The following KCNK9 variants were observed in gnomAD, a reference collection of about 807,000 sequenced individuals.
KCNK9 encodes potassium two pore domain channel subfamily K member 9, also known as potassium channel subfamily K member 9.
Under a neutral mutation model 10.8 loss-of-function variants are expected in KCNK9, and 1 was observed. That is an observed-to-expected ratio of 0.09 (90% CI 0.03 to 0.44). The LOEUF is 0.44. KCNK9 is among the 20% of genes least tolerant of loss of function. KCNK9 has a pLI of 0.97. For missense variants in KCNK9, 303 were observed against 515.0 expected (o/e 0.59, Z 3.98); for synonymous variants, 231 against 222.7 (o/e 1.04, Z -0.33).
At chr8:139,687,499 TA>T (rs1816829375) in intron 1 of KCNK9, among the ~76,000 whole-genome samples, 1 of 41,316 alleles carries the variant, frequency 2.4e-5, no homozygotes, top group South Asian at 8.8e-4. Flanking sequence ...TACACATATA[TA>T]CATATATATG....
chr8:139,612,999 GACTCAATAA>G (rs1814477750), downstream of KCNK9, among the ~76,000 whole-genome samples: 1 of 152,222 alleles, frequency 6.6e-6, no homozygotes. Context: ...TTGTATTTTA[GACTCAATAA>G]GCTCTTGGAC....
Position 139,693,495 on chromosome 8 carries a change from G to A in KCNK9, c.283+9215C>T, listed in dbSNP as rs1482844804. Among the ~76,000 whole-genome samples the A allele has an allele frequency of 6.6e-6, 1 of 152,072 alleles. No homozygotes were observed. Among genetic ancestry groups the A allele is most frequent in the East Asian group, 1.9e-4 (1 of 5,174 alleles). On this transcript the variant is annotated intron_variant, in intron 1 of 1. Transcript: ENST00000520439. The surrounding 1 kb of genome is among the most constrained non-coding windows in gnomAD (Gnocchi z 4.1). ...TCTCAGCTGCTCCTGCTCTCGGGGA[G>A]CCAGGAGTACCAGCCAGTGTCCAGC...
chr8:139,643,629 C>CT (rs1815578616), intron 1 of KCNK9, among the ~76,000 whole-genome samples: 1 of 152,208 alleles, frequency 6.6e-6, no homozygotes, highest in Non-Finnish European at 1.5e-5. Flanking sequence ...CCCCTGGCGG[C>CT]TGTCACCTGG....
chr8:139,634,094 C>T (rs753060254), intron 1 of KCNK9, among the ~76,000 whole-genome samples: 4 of 152,274 alleles, frequency 2.6e-5, no homozygotes, highest in African/African-American at 4.8e-5. Context: ...TGTCCCTCAA[C>T]CCAGGGCTGG....
chr8:139,610,301 A>G (rs1814381104), downstream of KCNK9, among the ~76,000 whole-genome samples: 1 of 152,176 alleles, frequency 6.6e-6, no homozygotes, highest in Admixed American at 6.5e-5. Context: ...GAGGGGAACA[A>G]GTGCCCACAA....
At chr8:139,670,970 C>T (rs1195899477) in intron 1 of KCNK9, among the ~76,000 whole-genome samples, 1 of 152,184 alleles carries the variant, frequency 6.6e-6, no homozygotes, top group East Asian at 1.9e-4. Flanking sequence ...CCTGCAGTGG[C>T]ATCCCCTCCA....
intron 1 of KCNK9, among the ~76,000 whole-genome samples, chr8:139,671,072 C>T (rs1424969585): frequency 6.6e-6 from 1 of 152,234 alleles, no homozygotes; most frequent in African/African-American, 2.4e-5. Context: ...TTCCTGGGAC[C>T]ACCTCTATTC....
chr8:139,688,653 G>C (rs1044637510), intron 1 of KCNK9, among the ~76,000 whole-genome samples: 14 of 152,210 alleles, frequency 9.2e-5, no homozygotes, highest in Non-Finnish European at 2.1e-4. Context: ...ATCCTGGGTT[G>C]GGTCCACTTG....
intron 1 of KCNK9, among the ~76,000 whole-genome samples, chr8:139,698,590 G>T (rs1399220963): frequency 2.0e-5 from 3 of 152,200 alleles, no homozygotes; most frequent in Non-Finnish European, 4.4e-5. Context: ...CCCCTAGACT[G>T]CACCCTGGAC....
At chr8:139,649,283 G>A (rs566121750) in intron 1 of KCNK9, among the ~76,000 whole-genome samples, 39 of 152,304 alleles carry the variant, frequency 2.6e-4, no homozygotes, top group African/African-American at 7.2e-4. Flanking sequence ...TGAGTGGCGC[G>A]TCAGAAGCGT....
At position 139,618,275 on chromosome 8, in the gene KCNK9, G is replaced by C; in HGVS notation, c.1108C>G (p.Arg370Gly). 6.2e-7 allele frequency: 1 copy of C among 1,614,200 alleles called. No individual in the cohort carries two copies. Among genetic ancestry groups the C allele is most frequent in the Non-Finnish European group, 8.5e-7 (1 of 1,180,040 alleles). ...SFTDHQRLMKRRKSV is the reference protein window; with the variant it reads ...SFTDHQRLMKGRKSV ...CCCCACACCTAAACGGACTTCCGGC[G>C]TTTCATCAGCCTCTGGTGGTCGGTA... The change falls in exon 2 of 2, where the codon CGC (arginine) becomes GGC (glycine). Residue 370 changes from arginine (R) to glycine (G), a missense_variant. Physicochemically the swap from Arg to Gly is moderately radical, Grantham distance 125. This residue lies in a region of KCNK9 where 138 missense variants were observed against 161.1 expected (regional missense o/e 0.86). Transcript: ENST00000520439. The surrounding 1 kb of genome is among the most constrained non-coding windows in gnomAD (Gnocchi z 7.9).
chr8:139,689,703 C>T (rs148503328), intron 1 of KCNK9, among the ~76,000 whole-genome samples: 2,230 of 147,236 alleles, frequency 0.015, 59 homozygotes, highest in African/African-American at 0.051. Flanking sequence ...AGCGCAGTGG[C>T]GTGATCTCGA....
intron 1 of KCNK9, among the ~76,000 whole-genome samples, chr8:139,665,590 C>G (rs989130196): frequency 4.6e-5 from 7 of 152,204 alleles, no homozygotes; most frequent in African/African-American, 1.7e-4. Flanking sequence ...AGGTGCCTAC[C>G]TTGCCCTGGC....
downstream of KCNK9, chr8:139,616,445 G>A (rs1042926234): frequency 3.3e-5 from 5 of 152,190 alleles, no homozygotes; most frequent in East Asian, 1.9e-4. Context: ...AGACTCCTTC[G>A]AAGGCCCTGT....
intron 1 of KCNK9, among the ~76,000 whole-genome samples, chr8:139,687,768 A>G (rs1413738224): frequency 6.6e-6 from 1 of 150,732 alleles, no homozygotes; most frequent in Non-Finnish European, 1.5e-5. Flanking sequence ...CTCAAGCTTC[A>G]GCAATTAACA....
intron 1 of KCNK9, among the ~76,000 whole-genome samples, chr8:139,636,787 A>C (rs1407165115): frequency 1.3e-5 from 2 of 152,216 alleles, no homozygotes; most frequent in East Asian, 3.8e-4. Context: ...ATGGCATTTG[A>C]ACCTGCCCTT....
intron 1 of KCNK9, among the ~76,000 whole-genome samples, chr8:139,636,618 A>AC (rs1369154478): frequency 6.6e-6 from 1 of 152,214 alleles, no homozygotes; most frequent in Non-Finnish European, 1.5e-5. Context: ...CAGAGCGAGG[A>AC]CCCCCAGGAA....
intron 1 of KCNK9, among the ~76,000 whole-genome samples, chr8:139,642,382 AAACTT>A (rs1815529885): frequency 6.6e-6 from 1 of 152,228 alleles, no homozygotes; most frequent in Non-Finnish European, 1.5e-5. Context: ...ATAAAATTAA[AAACTT>A]AAATTCACTC....
chr8:139,612,221 T>A (rs2130088905), downstream of KCNK9: 1 of 152,310 alleles, frequency 6.6e-6, no homozygotes, highest in South Asian at 2.1e-4. Flanking sequence ...CAAATCTTGA[T>A]CAAAACGAAA....
Sources: gnomAD v4.1 joint callset for allele counts (sites outside exome capture counted in the v4.1 genomes callset) on GRCh38, gnomAD v4.1.1 for gene constraint, gnomAD v4.1.1 regional missense constraint, Gnocchi (gnomAD v3.1) non-coding constraint, MANE v1.5 for transcripts, NCBI Gene and HGNC (gene_info 2026-07-23, HGNC 2026-07-21) for gene names.